Variants in CDH4 observed in about 807,000 individuals in gnomAD.
The protein encoded by CDH4 is cadherin 4.
In CDH4, 33 loss-of-function variants were observed where a neutral mutation model predicts 86.0. The observed-to-expected ratio is 0.38, with a 90% confidence interval of 0.29 to 0.51. The LOEUF (loss-of-function observed/expected upper bound fraction) is 0.51. Among genes scored for constraint, CDH4 ranks in the 20% least tolerant of loss-of-function variants. The pLI is 0.86. For missense variants in CDH4, 1,114 were observed against 1,307.4 expected (o/e 0.85, Z 2.28); for synonymous variants, 555 against 549.4 (o/e 1.01, Z -0.14).
intron 2 of CDH4, among the ~76,000 whole-genome samples, chr20:61,721,747 G>C (rs974306515): frequency 1.3e-5 from 2 of 152,174 alleles, no homozygotes; most frequent in Non-Finnish European, 2.9e-5. Flanking sequence ...CAAGGACCTC[G>C]TGAAGTATCA....
At chr20:61,481,498 A>G (rs2085568150) in intron 2 of CDH4, among the ~76,000 whole-genome samples, 1 of 152,266 alleles carries the variant, frequency 6.6e-6, no homozygotes, top group Admixed American at 6.5e-5. Context: ...AGGGGAATGC[A>G]TCTCTAAATC....
Position 61,518,741 on chromosome 20 carries a change from T to TCATC in CDH4, c.170-224814_170-224811dup, listed in dbSNP as rs1370300711. Among the ~76,000 whole-genome samples, 1 of 151,268 alleles carries TCATC rather than the reference T, an allele frequency of 6.6e-6. No homozygotes were observed. The highest frequency in any genetic ancestry group is 6.6e-5 in the Admixed American group (1 of 15,200). ...ATCCGTTCATCCACCCATCATCCAT[T>TCATC]CATCCATCCATTCGTACATCCACCC... On this transcript the variant is annotated intron_variant, in intron 2 of 15. Coordinates refer to ENST00000614565, the MANE Select transcript of CDH4 (RefSeq NM_001794.5). This position sits in a 1 kb window ranked among gnomAD's most constrained non-coding sequence, Gnocchi z 6.3.
At chr20:61,692,024 C>T (rs1320243799) in intron 2 of CDH4, among the ~76,000 whole-genome samples, 1 of 152,172 alleles carries the variant, frequency 6.6e-6, no homozygotes, top group Non-Finnish European at 1.5e-5. Flanking sequence ...TTCACCTTGT[C>T]TTAGAGCAAG....
At chr20:61,732,019 C>T (rs547957279) in intron 2 of CDH4, among the ~76,000 whole-genome samples, 1 of 152,326 alleles carries the variant, frequency 6.6e-6, no homozygotes, top group Non-Finnish European at 1.5e-5. Flanking sequence ...ACCTTGGACT[C>T]AGACTCTGTC....
chr20:61,430,359 C>T (rs1002289929), intron 2 of CDH4, among the ~76,000 whole-genome samples: 20 of 152,308 alleles, frequency 1.3e-4, no homozygotes, highest in African/African-American at 3.1e-4. Context: ...TCAGCTTTGA[C>T]GCCCGGCTCA....
intron 4 of CDH4, among the ~76,000 whole-genome samples, chr20:61,797,114 G>C (rs1490653605): frequency 6.6e-6 from 1 of 151,974 alleles, no homozygotes; most frequent in Non-Finnish European, 1.5e-5. Flanking sequence ...GCCAGCTCCT[G>C]GTGGACACAA....
chr20:61,528,593 AC>A, intron 2 of CDH4, among the ~76,000 whole-genome samples: 1 of 151,986 alleles, frequency 6.6e-6, no homozygotes, highest in South Asian at 2.1e-4. Context: ...ACGTAGAAAG[AC>A]CCCATCTCCA....
At chr20:61,361,854 T>G in intron 2 of CDH4, among the ~76,000 whole-genome samples, 1 of 152,276 alleles carries the variant, frequency 6.6e-6, no homozygotes, top group South Asian at 2.1e-4. Context: ...TAGCTTTCTC[T>G]CATGCCCAAG....
At position 61,312,494 on chromosome 20, in the gene CDH4, C is replaced by G. The variant is rs141965272; in HGVS notation, c.169+57557C>G. On this transcript the variant is annotated intron_variant, in intron 2 of 15. Coordinates refer to ENST00000614565, the MANE Select transcript of CDH4 (RefSeq NM_001794.5). ...GAGGCAGAGTGAGGAGCCGCCAGCC[C>G]CCGGGTGCACAGGTGGACCTTCCAG... Among the ~76,000 whole-genome samples, 392 of 152,174 alleles carry G rather than the reference C, an allele frequency of 2.6e-3. 4 individuals are homozygous for G. Among genetic ancestry groups the G allele is most frequent in the African/African-American group, 8.9e-3 (369 of 41,510 alleles).
intron 2 of CDH4, among the ~76,000 whole-genome samples, chr20:61,362,453 G>A (rs1182296240): frequency 6.0e-5 from 9 of 149,104 alleles, no homozygotes; most frequent in African/African-American, 2.2e-4. Context: ...GAGTGGAGAC[G>A]TGGCCTAGGA....
intron 4 of CDH4, among the ~76,000 whole-genome samples, chr20:61,784,584 C>A (rs71323521): frequency 1.2e-5 from 1 of 85,328 alleles, no homozygotes; most frequent in African/African-American, 5.7e-5. Flanking sequence ...CCCAGTTCCT[C>A]GGGACAGTTC....
At chr20:61,341,769 C>A (rs2084650520) in intron 2 of CDH4, among the ~76,000 whole-genome samples, 1 of 152,090 alleles carries the variant, frequency 6.6e-6, no homozygotes, top group Admixed American at 6.6e-5. Flanking sequence ...ATTTTTATGA[C>A]CATTTTCAGC....
intron 3 of CDH4, among the ~76,000 whole-genome samples, chr20:61,750,522 A>G (rs1034920129): frequency 3.9e-5 from 6 of 152,222 alleles, no homozygotes; most frequent in African/African-American, 1.4e-4. Context: ...AGTTCTACCC[A>G]AGCTGTCAGG....
At chr20:61,706,463 T>A (rs1490782319) in intron 2 of CDH4, among the ~76,000 whole-genome samples, 1 of 151,974 alleles carries the variant, frequency 6.6e-6, no homozygotes, top group African/African-American at 2.4e-5. Flanking sequence ...ACAAACATGA[T>A]GAGAGAAAAG....
intron 9 of CDH4, among the ~76,000 whole-genome samples, chr20:61,919,017 T>C (rs2122954557): frequency 6.6e-6 from 1 of 152,288 alleles, no homozygotes; most frequent in Non-Finnish European, 1.5e-5. Flanking sequence ...ACTACAGGTG[T>C]GTGCTACCAC....
intron 2 of CDH4, among the ~76,000 whole-genome samples, chr20:61,481,168 C>A (rs542771966): frequency 2.5e-4 from 38 of 152,312 alleles, no homozygotes; most frequent in Admixed American, 2.4e-3. Context: ...CAGTTTCACC[C>A]CCCAGGGAAC....
chr20:61,936,565 T>C (rs1261272356), intron 15 of CDH4, among the ~76,000 whole-genome samples, 172 bp from the exon 16 acceptor site: 1 of 149,742 alleles, frequency 6.7e-6, no homozygotes, highest in African/African-American at 2.5e-5. Context: ...ACAAATGCCC[T>C]TTTCTACTCG....
chr20:61,296,293 G>GCA (rs1322700172), intron 2 of CDH4, among the ~76,000 whole-genome samples: 11 of 150,540 alleles, frequency 7.3e-5, no homozygotes, highest in African/African-American at 2.7e-4. Context: ...GCGTGTGTGT[G>GCA]TGTGCGTGGG....
chr20:61,383,866 TATATATGAAG>T (rs1199994149), intron 2 of CDH4, among the ~76,000 whole-genome samples: 4 of 88,318 alleles, frequency 4.5e-5, no homozygotes, highest in African/African-American at 1.1e-4. Context: ...TATATATGCG[TATATATGAAG>T]ATATATGAAT....
Sources: gnomAD v4.1 joint callset for allele counts (sites outside exome capture counted in the v4.1 genomes callset) on GRCh38, gnomAD v4.1.1 for gene constraint, Gnocchi (gnomAD v3.1) non-coding constraint, MANE v1.5 for transcripts, NCBI Gene and HGNC (gene_info 2026-07-23, HGNC 2026-07-21) for gene names.